The following GIPC3 variants were observed in gnomAD, a reference collection of about 807,000 sequenced individuals.
GIPC3 encodes GIPC PDZ domain containing family member 3.
GIPC3 carries 16 observed loss-of-function variants against 27.3 expected under a neutral mutation model. The observed-to-expected ratio is 0.59, with a 90% CI of 0.40 to 0.89. The LOEUF is 0.89. Among genes scored for constraint, GIPC3 ranks in the 40% least tolerant of loss-of-function variants. GIPC3 has a pLI of 0.00. For synonymous variants in GIPC3, 194 were observed against 184.6 expected, an observed-to-expected ratio of 1.05 and a Z score of -0.41; for missense variants, 440 against 442.1, an observed-to-expected ratio of 1.00 and a Z score of 0.04.
rs1297793965 is a variant in GIPC3 at position 3,592,216 on chromosome 19, C to T, written c.*2026C>T. ...CGCTGCCCAGGAGCTCGACCAGCCTCTGGGACTCAATTCGCCTCTAAAACC... is the reference window on the plus strand; with the variant it reads ...CGCTGCCCAGGAGCTCGACCAGCCTTTGGGACTCAATTCGCCTCTAAAACC... On this transcript the variant is annotated 3_prime_UTR_variant, in exon 6 of 6. Transcript: ENST00000644452. The T allele has an allele frequency of 2.3e-5, 28 of 1,232,190 alleles. No homozygotes were observed. Among genetic ancestry groups the T allele is most frequent in the Non-Finnish European group, 2.3e-5 (23 of 988,172 alleles). The allele number at this position is 1,232,190 out of a possible 1,614,324, so 76.3% of individuals were successfully genotyped here. A position where few individuals can be genotyped will look rare whatever the true frequency, so the allele number is the denominator to read the frequency against.
chr19:3,591,749 T>C lies in GIPC3; in HGVS notation c.*1559T>C. 1 of 1,233,392 alleles carries C rather than the reference T, an allele frequency of 8.1e-7. No homozygotes were observed. The highest frequency in any genetic ancestry group is 1.6e-5 in the African/African-American group (1 of 64,502). The allele number at this position is 1,233,392 out of a possible 1,614,324, so 76.4% of individuals were successfully genotyped here. Reference sequence around the variant, plus strand: ...CCAGCTCTGAGACTGAGCCCAGCTCTAGAACCTCGCCTAGTGCTACAACCA... The same window carrying C: ...CCAGCTCTGAGACTGAGCCCAGCTCCAGAACCTCGCCTAGTGCTACAACCA... On this transcript the variant is annotated 3_prime_UTR_variant, in exon 6 of 6. Coordinates refer to ENST00000644452, the MANE Select transcript of GIPC3 (RefSeq NM_133261.3).
chr19:3,587,850 C>T (rs2032404891), intron 3 of GIPC3, among the ~76,000 whole-genome samples: 1 of 151,614 alleles, frequency 6.6e-6, no homozygotes, highest in South Asian at 2.1e-4. Flanking sequence ...GCCACCACAC[C>T]CGGCTAATTT....
chr19:3,587,265 C>CGTTT (rs1325531408), intron 3 of GIPC3, among the ~76,000 whole-genome samples: 8 of 132,560 alleles, frequency 6.0e-5, no homozygotes, highest in African/African-American at 2.5e-4. Context: ...GGCTGGGAGA[C>CGTTT]TTGTTTTTGT....
In GIPC3 at chr19:3,592,411, G is replaced by A. The variant is rs566303767; in HGVS notation, c.*2221G>A. 875 of 1,231,946 alleles carry A rather than the reference G, an allele frequency of 7.1e-4. 3 individuals carry two copies. Among genetic ancestry groups the A allele is most frequent in the Non-Finnish European group, 8.6e-4 (850 of 987,988 alleles). 76.3% of individuals were successfully genotyped at this position (1,231,946 alleles called of 1,614,324 possible). A position where few individuals can be genotyped will look rare whatever the true frequency, so the allele number is the denominator to read the frequency against. ...CAAGCCAGCTCTGGAAGTCAGCTTAGTTCGGGAACCCAGCTGATTTCCGGA... is the reference window on the plus strand; with the variant it reads ...CAAGCCAGCTCTGGAAGTCAGCTTAATTCGGGAACCCAGCTGATTTCCGGA... On this transcript the variant is annotated 3_prime_UTR_variant, in exon 6 of 6. Coordinates refer to ENST00000644452, the MANE Select transcript of GIPC3 (RefSeq NM_133261.3).
rs772101286 is a variant in GIPC3, at chr19:3,590,589, C to T, written c.*399C>T. ...AACCCAGATGAGCTCTGAGACCATG[C>T]CCAGCTCTAGAACTCAGATGGGCTC... On this transcript the variant is annotated 3_prime_UTR_variant, in exon 6 of 6. Coordinates refer to ENST00000644452, the MANE Select transcript of GIPC3 (RefSeq NM_133261.3). The T allele has an allele frequency of 7.6e-7, 1 of 1,315,024 alleles. No homozygotes were observed. The highest frequency in any genetic ancestry group is 9.7e-7 in the Non-Finnish European group (1 of 1,035,502). 81.5% of individuals were successfully genotyped at this position (1,315,024 alleles called of 1,614,324 possible). A position where few individuals can be genotyped will look rare whatever the true frequency, so the allele number is the denominator to read the frequency against.
rs2145279319 is a variant in GIPC3 at position 3,593,034 on chromosome 19, A to G, written c.*2844A>G. On this transcript the variant is annotated 3_prime_UTR_variant, in exon 6 of 6. Transcript: ENST00000644452. ...TGGCATCCAGGCCAGCCTTGGCCCC[A>G]TCCCAGGCTTACCCCAAGCCTCCTA... 9.4e-7 allele frequency: 1 copy of G among 1,069,354 alleles called. No homozygotes were observed. The highest frequency in any genetic ancestry group is 5.4e-5 in the East Asian group (1 of 18,368). The allele number at this position is 1,069,354 out of a possible 1,614,324, so 66.2% of individuals were successfully genotyped here. A position where few individuals can be genotyped will look rare whatever the true frequency, so the allele number is the denominator to read the frequency against.
Position 3,589,436 on chromosome 19 carries a change from C to A in GIPC3, c.593-7C>A, listed in dbSNP as rs533780326. The A allele has an allele frequency of 6.2e-7, 1 of 1,607,672 alleles. No homozygotes were observed. The highest frequency in any genetic ancestry group is 1.3e-5 in the African/African-American group (1 of 74,768). On this transcript the variant is annotated splice_region_variant and splice_polypyrimidine_tract_variant and intron_variant, in intron 3 of 5. Coordinates refer to ENST00000644452, the MANE Select transcript of GIPC3 (RefSeq NM_133261.3). ...CCCATGGCCATCCCTCACTCTGTTC[C>A]CTCCAGATATGATTGGCCAGAGAAG...
Position 3,590,269 on chromosome 19 carries a change from G to T in GIPC3, c.*79G>T. On this transcript the variant is annotated 3_prime_UTR_variant, in exon 6 of 6. Coordinates refer to ENST00000644452, the MANE Select transcript of GIPC3 (RefSeq NM_133261.3). ...CGGCCCTGCTCCAGAACCCAGCCCA[G>T]ATCGGAGGACAAGTTCCTCTCTAGA... 16 of 1,516,624 alleles carry T rather than the reference G, an allele frequency of 1.1e-5. No individual in the cohort carries two copies. The highest frequency in any genetic ancestry group is 1.4e-5 in the Non-Finnish European group (16 of 1,130,192). The allele number at this position is 1,516,624 out of a possible 1,614,324, so 93.9% of individuals were successfully genotyped here. A position where few individuals can be genotyped will look rare whatever the true frequency, so the allele number is the denominator to read the frequency against.
chr19:3,591,789 A>T lies in GIPC3; in HGVS notation c.*1599A>T. 2.4e-6 allele frequency: 3 copies of T among 1,233,974 alleles called. No individual in the cohort carries two copies. The highest frequency in any genetic ancestry group is 3.0e-6 in the Non-Finnish European group (3 of 989,524). The allele number at this position is 1,233,974 out of a possible 1,614,324, so 76.4% of individuals were successfully genotyped here. ...TGCTACAACCAGGCCCAACTCCAGG[A>T]TTCAGACCAGCTCTGGAACCCCATC... On this transcript the variant is annotated 3_prime_UTR_variant, in exon 6 of 6. Transcript: ENST00000644452.
chr19:3,590,312 G>T lies in GIPC3; in HGVS notation c.*122G>T. On this transcript the variant is annotated 3_prime_UTR_variant, in exon 6 of 6. Coordinates refer to ENST00000644452, the MANE Select transcript of GIPC3 (RefSeq NM_133261.3). ...TCTCTAGAACCCAATCCAATTTGGA[G>T]CCCCAGCCCAACTCCAGAACCCAAC... The T allele has an allele frequency of 6.9e-7, 1 of 1,459,668 alleles. No individual in the cohort carries two copies. Among genetic ancestry groups the T allele is most frequent in the South Asian group, 1.4e-5 (1 of 71,820 alleles). 90.4% of individuals were successfully genotyped at this position (1,459,668 alleles called of 1,614,324 possible).
At chr19:3,588,078 C>T (rs1046008831) in intron 3 of GIPC3, among the ~76,000 whole-genome samples, 8 of 150,542 alleles carry the variant, frequency 5.3e-5, no homozygotes, top group Non-Finnish European at 7.4e-5. Context: ...GATCTCGGCT[C>T]ACCACAACCT....
chr19:3,592,832 A>C lies in GIPC3; in HGVS notation c.*2642A>C. ...GTTCCAGAACTCACACCAGTTCAAG[A>C]ATCTGGCTGAGCCCTGGAAATGGAA... On this transcript the variant is annotated 3_prime_UTR_variant, in exon 6 of 6. Coordinates refer to ENST00000644452, the MANE Select transcript of GIPC3 (RefSeq NM_133261.3). 1 of 1,232,088 alleles carries C rather than the reference A, an allele frequency of 8.1e-7. No homozygotes were observed. The highest frequency in any genetic ancestry group is 1.0e-6 in the Non-Finnish European group (1 of 987,980). 76.3% of individuals were successfully genotyped at this position (1,232,088 alleles called of 1,614,324 possible).
rs371512205 is a variant in GIPC3, at chr19:3,589,531, G to C, written c.681G>C (p.Gly227=). 9 of 1,613,900 alleles carry C rather than the reference G, an allele frequency of 5.6e-6. No homozygotes were observed. Among genetic ancestry groups the C allele is most frequent in the East Asian group, 2.2e-5 (1 of 44,892 alleles). ...SGRETLRLRS[G]GAATVEEAPS... is the part of the protein sequence containing the mutation. The stretch of plus-strand genomic sequence containing the variant: ...GGGAGACCCTGCGGCTTCGTTCTGG[G>C]GGGGCTGCCACAGTGGAGGAAGCGG... The change falls in exon 4 of 6, where the codon GGG becomes GGC. Residue 227 remains glycine, a synonymous_variant. Coordinates refer to ENST00000644452, the MANE Select transcript of GIPC3 (RefSeq NM_133261.3).
Position 3,592,656 on chromosome 19 carries a change from C to T in GIPC3, c.*2466C>T, listed in dbSNP as rs574787312. On this transcript the variant is annotated 3_prime_UTR_variant, in exon 6 of 6. Transcript: ENST00000644452. ...TGAAACCCAGACCGGCTCAAGAATTCAGCCCGACTCTGGAGCCCAACTTAG... is the reference window on the plus strand; with the variant it reads ...TGAAACCCAGACCGGCTCAAGAATTTAGCCCGACTCTGGAGCCCAACTTAG... 5 of 1,232,008 alleles carry T rather than the reference C, an allele frequency of 4.1e-6. No individual in the cohort carries two copies. The South Asian group carries it at 2.1e-4, about 51-fold the overall frequency. 76.3% of individuals were successfully genotyped at this position (1,232,008 alleles called of 1,614,324 possible).
chr19:3,592,248 G>T lies in GIPC3; in HGVS notation c.*2058G>T, dbSNP rs1322295302. The T allele has an allele frequency of 4.1e-6, 5 of 1,232,000 alleles. No individual in the cohort carries two copies. The highest frequency in any genetic ancestry group is 1.0e-6 in the Non-Finnish European group (1 of 988,066). 76.3% of individuals were successfully genotyped at this position (1,232,000 alleles called of 1,614,324 possible). ...TCAATTCGCCTCTAAAACCCTGCCA[G>T]GTTCTAGATACCAGCTCCAGACCAC... On this transcript the variant is annotated 3_prime_UTR_variant, in exon 6 of 6. Coordinates refer to ENST00000644452, the MANE Select transcript of GIPC3 (RefSeq NM_133261.3).
At position 3,593,395 on chromosome 19, in the gene GIPC3, GGT is replaced by G; in HGVS notation, c.*3206_*3207del. ...TGACCTTATTTCTCCAGCAGGCGGTGGTAGGGAGTGTGCGGTGGTGAAAACAG... is the reference window on the plus strand; with the variant it reads ...TGACCTTATTTCTCCAGCAGGCGGTGAGGGAGTGTGCGGTGGTGAAAACAG... On this transcript the variant is annotated 3_prime_UTR_variant, in exon 6 of 6. Coordinates refer to ENST00000644452, the MANE Select transcript of GIPC3 (RefSeq NM_133261.3). 3.9e-6 allele frequency: 4 copies of G among 1,031,366 alleles called. No homozygotes were observed. Among genetic ancestry groups the G allele is most frequent in the Non-Finnish European group, 5.0e-6 (4 of 805,276 alleles). 63.9% of individuals were successfully genotyped at this position (1,031,366 alleles called of 1,614,324 possible). A position where few individuals can be genotyped will look rare whatever the true frequency, so the allele number is the denominator to read the frequency against.
rs1233597934 is a variant in GIPC3, at chr19:3,590,731, T to A, written c.*541T>A. On this transcript the variant is annotated 3_prime_UTR_variant, in exon 6 of 6. Transcript: ENST00000644452. ...AAAACTCAGATGGGCTCTGAGACCA[T>A]GCCCAGCTCTAGAACTCAGATGGGC... 27 of 986,046 alleles carry A rather than the reference T, an allele frequency of 2.7e-5. No homozygotes were observed. Among genetic ancestry groups the A allele is most frequent in the Middle Eastern group, 3.8e-4 (1 of 2,656 alleles). 61.1% of individuals were successfully genotyped at this position (986,046 alleles called of 1,614,324 possible).
At chr19:3,589,012 G>C (rs2145273030) in intron 3 of GIPC3, among the ~76,000 whole-genome samples, 1 of 151,716 alleles carries the variant, frequency 6.6e-6, no homozygotes, top group South Asian at 2.1e-4. Context: ...CCAGCTCTCA[G>C]ACCAAGCCCT....
chr19:3,590,271 T>G lies in GIPC3; in HGVS notation c.*81T>G. On this transcript the variant is annotated 3_prime_UTR_variant, in exon 6 of 6. Transcript: ENST00000644452. ...GCCCTGCTCCAGAACCCAGCCCAGA[T>G]CGGAGGACAAGTTCCTCTCTAGAAC... 1 of 1,514,578 alleles carries G rather than the reference T, an allele frequency of 6.6e-7. No homozygotes were observed. Among genetic ancestry groups the G allele is most frequent in the South Asian group, 1.2e-5 (1 of 80,800 alleles). The allele number at this position is 1,514,578 out of a possible 1,614,324, so 93.8% of individuals were successfully genotyped here.
Sources: gnomAD v4.1 joint callset for allele counts (sites outside exome capture counted in the v4.1 genomes callset) on GRCh38, gnomAD v4.1.1 for gene constraint, MANE v1.5 for transcripts, NCBI Gene and HGNC (gene_info 2026-07-23, HGNC 2026-07-21) for gene names.